Variants in LINGO2 observed in about 807,000 individuals in gnomAD.
The protein encoded by LINGO2 is leucine-rich repeat and immunoglobulin-like domain-containing nogo receptor-interacting protein 2.
In LINGO2, 14 loss-of-function variants were observed where a neutral mutation model predicts 30.6. That is an observed-to-expected ratio of 0.46 (90% CI 0.30 to 0.72). The LOEUF (loss-of-function observed/expected upper bound fraction) is 0.72. Among genes scored for constraint, LINGO2 ranks in the 30% least tolerant of loss-of-function variants. LINGO2 has a pLI of 0.07. For synonymous variants in LINGO2, 317 were observed against 288.5 expected, an observed-to-expected ratio of 1.10 and a Z score of -1.00; for missense variants, 729 against 751.7, an observed-to-expected ratio of 0.97 and a Z score of 0.35.
chr9:27,999,507 A>G (rs1258003621), intron 5 of LINGO2, among the ~76,000 whole-genome samples: 1 of 151,446 alleles, frequency 6.6e-6, no homozygotes, highest in Non-Finnish European at 1.5e-5. Context: ...ATGTATGCTT[A>G]TGTAGGGAGT....
At chr9:28,791,055 T>G in the LINGO2 span, among the ~76,000 whole-genome samples, 1 of 152,164 alleles carries the variant, frequency 6.6e-6, no homozygotes, top group Non-Finnish European at 1.5e-5. Context: ...TGCCAACTTA[T>G]GCACATTTTA....
chr9:27,969,565 T>A (rs1682223301), intron 5 of LINGO2, among the ~76,000 whole-genome samples: 1 of 152,170 alleles, frequency 6.6e-6, no homozygotes, highest in South Asian at 2.1e-4. Flanking sequence ...TAGGAACTGT[T>A]CTCATTACCA....
the LINGO2 span, among the ~76,000 whole-genome samples, chr9:29,191,474 T>A: frequency 1.3e-5 from 2 of 152,168 alleles, no homozygotes; most frequent in Non-Finnish European, 2.9e-5. Context: ...TGTTTCTGTT[T>A]TTTTTTGGCG....
chr9:28,319,436 T>C (rs1019945517), intron 3 of LINGO2, among the ~76,000 whole-genome samples: 2 of 152,222 alleles, frequency 1.3e-5, no homozygotes, highest in Non-Finnish European at 2.9e-5. Context: ...CAAATCTTAA[T>C]TGTATCTACA....
At chr9:28,421,890 G>A (rs1823213221) in intron 2 of LINGO2, among the ~76,000 whole-genome samples, 1 of 151,924 alleles carries the variant, frequency 6.6e-6, no homozygotes, top group Non-Finnish European at 1.5e-5. Context: ...CCACAAGAGC[G>A]ACAAGACCAT....
chr9:28,615,921 T>C (rs1241429803), intron 1 of LINGO2, among the ~76,000 whole-genome samples: 1 of 152,178 alleles, frequency 6.6e-6, no homozygotes, highest in Non-Finnish European at 1.5e-5. Context: ...GAATATATAC[T>C]GTATGACTCC....
chr9:28,785,097 A>G, the LINGO2 span, among the ~76,000 whole-genome samples: 1 of 152,248 alleles, frequency 6.6e-6, no homozygotes, highest in South Asian at 2.1e-4. Context: ...AGGAGAAAAT[A>G]AAAGTCTTAC....
At chr9:28,124,924 A>T (rs973774073) in intron 4 of LINGO2, among the ~76,000 whole-genome samples, 23 of 152,236 alleles carry the variant, frequency 1.5e-4, no homozygotes. Context: ...AGATAATGAC[A>T]TGTGCCATAA....
At chr9:27,939,721 A>G in the LINGO2 span, 1 of 152,204 alleles carries the variant, frequency 6.6e-6, no homozygotes, top group Non-Finnish European at 1.5e-5. Context: ...ACATCCAGCT[A>G]ATAGCCCATG....
intron 5 of LINGO2, among the ~76,000 whole-genome samples, chr9:27,954,448 C>A (rs1333408409): frequency 2.0e-5 from 3 of 152,174 alleles, no homozygotes; most frequent in Admixed American, 2.0e-4. Context: ...ACATGTGATA[C>A]TGTCTTTCTG....
chr9:28,980,857 T>G, the LINGO2 span, among the ~76,000 whole-genome samples: 1 of 152,098 alleles, frequency 6.6e-6, no homozygotes, highest in Non-Finnish European at 1.5e-5. Flanking sequence ...ATATGAAGAA[T>G]GTAAACTCCA....
In LINGO2 at chr9:28,433,746, T is replaced by C. The variant is rs140822787; in HGVS notation, c.-279+42194A>G. Among the ~76,000 whole-genome samples the C allele has an allele frequency of 1.8e-3, 273 of 152,120 alleles. 1 individual carries two copies. Among genetic ancestry groups the C allele is most frequent in the South Asian group, 6.2e-4 (3 of 4,822 alleles). On this transcript the variant is annotated intron_variant, in intron 2 of 5. Transcript: ENST00000379992. ...TTCCTTAAAGAGCTGAAAGTGGAAC[T>C]ACCATTCCATCCAGCAATCCCACTA...
intron 4 of LINGO2, among the ~76,000 whole-genome samples, chr9:28,072,532 T>C (rs1825509194): frequency 6.6e-6 from 1 of 152,218 alleles, no homozygotes; most frequent in South Asian, 2.1e-4. Flanking sequence ...AAAGGTTTAG[T>C]GCAATTTCTC....
the LINGO2 span, among the ~76,000 whole-genome samples, chr9:29,080,531 A>G: frequency 1.3e-5 from 2 of 151,830 alleles, no homozygotes; most frequent in Non-Finnish European, 2.9e-5. Flanking sequence ...TTCAATTGTG[A>G]TGTTAGCGTG....
the LINGO2 span, among the ~76,000 whole-genome samples, chr9:29,051,975 AAT>A: frequency 6.6e-6 from 1 of 152,210 alleles, no homozygotes; most frequent in South Asian, 2.1e-4. Context: ...GATGTGTGTG[AAT>A]ATATAATTCT....
the LINGO2 span, among the ~76,000 whole-genome samples, chr9:28,701,181 C>A: frequency 1.3e-5 from 2 of 151,778 alleles, no homozygotes; most frequent in Non-Finnish European, 2.9e-5. Context: ...ATTATATATT[C>A]TTTATTTCAT....
At chr9:29,204,650 G>A in the LINGO2 span, among the ~76,000 whole-genome samples, 22 of 152,036 alleles carry the variant, frequency 1.4e-4, no homozygotes, top group African/African-American at 2.9e-4. Flanking sequence ...TTCACTTACC[G>A]TCTTATTAAA....
At chr9:28,371,721 T>G (rs1382214437) in intron 3 of LINGO2, among the ~76,000 whole-genome samples, 1 of 152,194 alleles carries the variant, frequency 6.6e-6, no homozygotes, top group Non-Finnish European at 1.5e-5. Context: ...AGATTAGGAT[T>G]TCTTTGTACT....
chr9:28,336,853 G>T (rs1825606739), intron 3 of LINGO2, among the ~76,000 whole-genome samples: 1 of 151,396 alleles, frequency 6.6e-6, no homozygotes, highest in African/African-American at 2.4e-5. Flanking sequence ...CTTATTACTA[G>T]AATACTTTTT....
Sources: gnomAD v4.1 joint callset for allele counts (sites outside exome capture counted in the v4.1 genomes callset) on GRCh38, gnomAD v4.1.1 for gene constraint, MANE v1.5 for transcripts, NCBI Gene and HGNC (gene_info 2026-07-23, HGNC 2026-07-21) for gene names.